Variants in LCORL observed in about 807,000 individuals in gnomAD.
LCORL encodes ligand dependent nuclear receptor corepressor like, also known as ligand-dependent nuclear receptor corepressor-like protein.
Under a neutral mutation model 141.8 loss-of-function variants are expected in LCORL, and 41 were observed. The ratio of observed to expected loss-of-function variants is 0.29; its 90% CI spans 0.23 to 0.38. The LOEUF (loss-of-function observed/expected upper bound fraction) is 0.38, where lower values mean the gene tolerates loss of function less well. Among genes scored for constraint, LCORL ranks in the 10% least tolerant of loss-of-function variants. LCORL has a pLI of 1.00. For missense variants in LCORL, 1,759 were observed against 2,035.0 expected, an observed-to-expected ratio of 0.86 and a Z score of 2.61; for synonymous variants, 618 against 694.1, an observed-to-expected ratio of 0.89 and a Z score of 1.72.
chr4:18,010,047 A>G (rs1723453598), intron 1 of LCORL, among the ~76,000 whole-genome samples: 1 of 152,254 alleles, frequency 6.6e-6, no homozygotes, highest in South Asian at 2.1e-4. Flanking sequence ...AAGAGACACC[A>G]GTGAATAAAC....
chr4:17,867,120 C>A (rs1008533816), intron 7 of LCORL: 1 of 233,278 alleles, frequency 4.3e-6, no homozygotes, highest in African/African-American at 2.3e-5. Flanking sequence ...GATATTGACC[C>A]GTAAAGATCA....
chr4:18,005,870 C>T (rs778937226), intron 1 of LCORL, among the ~76,000 whole-genome samples: 1 of 152,212 alleles, frequency 6.6e-6, no homozygotes, highest in Non-Finnish European at 1.5e-5. Context: ...ATGGCAGGGG[C>T]TTCCGTGAAG....
intron 5 of LCORL, chr4:17,893,543 T>A (rs1376289795): frequency 1.0e-6 from 1 of 985,036 alleles, no homozygotes; most frequent in Non-Finnish European, 1.2e-6. Flanking sequence ...CTTCAGAAAA[T>A]GGTTTGGAAG....
At chr4:17,866,787 T>A (rs539696225) in intron 7 of LCORL, among the ~76,000 whole-genome samples, 25 of 152,218 alleles carry the variant, frequency 1.6e-4, no homozygotes, top group Non-Finnish European at 2.9e-4. Context: ...AAACTGTTAC[T>A]GCCCAGGAAA....
chr4:17,981,239 C>T (rs1159028141), intron 1 of LCORL, among the ~76,000 whole-genome samples: 2 of 152,074 alleles, frequency 1.3e-5, no homozygotes, highest in Non-Finnish European at 2.9e-5. Flanking sequence ...GATTACTTAA[C>T]CCTAGAGTAT....
intron 1 of LCORL, among the ~76,000 whole-genome samples, chr4:18,010,209 C>G (rs1723480647): frequency 6.6e-6 from 1 of 151,426 alleles, no homozygotes; most frequent in Non-Finnish European, 1.5e-5. Context: ...GAAGAGAGCA[C>G]TGGGTTTCCT....
chr4:17,871,865 C>G (rs1306656272), intron 7 of LCORL, among the ~76,000 whole-genome samples: 1 of 151,826 alleles, frequency 6.6e-6, no homozygotes, highest in African/African-American at 2.4e-5. Context: ...TTTGGCCAAC[C>G]TTTAAAATTT....
rs1334510761 is a variant in LCORL, at chr4:17,850,328, A to G, written c.5603-4427T>C. On this transcript the variant is annotated intron_variant, in intron 7 of 7. Coordinates refer to ENST00000635767, the Ensembl canonical transcript of LCORL. ...CTTCTGCACAGCAAAAGAAACTACC[A>G]TCAGAGTGAACAGGCAACCTACAGA... Among the ~76,000 whole-genome samples, 48 of 150,032 alleles carry G rather than the reference A, an allele frequency of 3.2e-4. No homozygotes were observed. In the South Asian group the frequency reaches 9.9e-3, roughly 31 times the overall value.
intron 4 of LCORL, among the ~76,000 whole-genome samples, chr4:17,955,699 CTCA>C (rs969639005): frequency 1.1e-4 from 17 of 152,046 alleles, no homozygotes; most frequent in African/African-American, 4.1e-4. Context: ...GGATGTTTTC[CTCA>C]TCAAGTTCAG....
chr4:17,989,766 C>T (rs1719639606), intron 1 of LCORL, among the ~76,000 whole-genome samples: 1 of 152,194 alleles, frequency 6.6e-6, no homozygotes, highest in African/African-American at 2.4e-5. Context: ...ACAAACTGTG[C>T]CTTAAAACAA....
At chr4:17,986,312 T>C (rs1300657997) in intron 1 of LCORL, among the ~76,000 whole-genome samples, 1 of 152,116 alleles carries the variant, frequency 6.6e-6, no homozygotes, top group African/African-American at 2.4e-5. Context: ...TCTAGTGAGG[T>C]TGGGGAGGTT....
chr4:18,006,480 A>G (rs1399890699), intron 1 of LCORL, among the ~76,000 whole-genome samples: 1 of 152,076 alleles, frequency 6.6e-6, no homozygotes, highest in Non-Finnish European at 1.5e-5. Flanking sequence ...ACTGGTACCA[A>G]TTTACTGTAT....
At chr4:17,917,131 C>A (rs1179061238) in intron 4 of LCORL, among the ~76,000 whole-genome samples, 1 of 152,000 alleles carries the variant, frequency 6.6e-6, no homozygotes, top group African/African-American at 2.4e-5. Context: ...TGTGCTACTG[C>A]GCCCAGCTAA....
chr4:17,976,174 G>A (rs1002156299), intron 1 of LCORL, among the ~76,000 whole-genome samples: 1 of 152,066 alleles, frequency 6.6e-6, no homozygotes, highest in African/African-American at 2.4e-5. Context: ...GTTTCTTGTG[G>A]ACAATAGAGT....
chr4:17,916,643 CTTTTTTT>C (rs1057287592), intron 4 of LCORL, among the ~76,000 whole-genome samples: 5 of 113,134 alleles, frequency 4.4e-5, no homozygotes, highest in Non-Finnish European at 5.4e-5. Context: ...AATTAAATGT[CTTTTTTT>C]TTTTTTTTTT....
exon 7 of LCORL, chr4:17,876,978 T>C (rs1052837765): frequency 1.1e-4 from 131 of 1,230,630 alleles, no homozygotes; most frequent in Non-Finnish European, 1.3e-4. Flanking sequence ...AGGCCCTTGG[T>C]CATGATAGAA....
At chr4:17,929,102 T>C (rs1735602320) in intron 4 of LCORL, among the ~76,000 whole-genome samples, 3 of 151,760 alleles carry the variant, frequency 2.0e-5, no homozygotes, top group Non-Finnish European at 4.4e-5. Context: ...GGCAGAAGAG[T>C]TGTACACCGA....
chr4:17,929,671 CAT>C (rs1397432308), intron 4 of LCORL, among the ~76,000 whole-genome samples: 1 of 152,072 alleles, frequency 6.6e-6, no homozygotes, highest in Non-Finnish European at 1.5e-5. Flanking sequence ...TCTTAGAAGA[CAT>C]ATGTGTAAAT....
At chr4:17,922,852 C>A (rs1035117434) in intron 4 of LCORL, among the ~76,000 whole-genome samples, 1 of 152,144 alleles carries the variant, frequency 6.6e-6, no homozygotes, top group Non-Finnish European at 1.5e-5. Context: ...ACAGCCTCCC[C>A]ACTCCCAGTG....
Sources: gnomAD v4.1 joint callset for allele counts (sites outside exome capture counted in the v4.1 genomes callset) on GRCh38, gnomAD v4.1.1 for gene constraint, MANE v1.5 for transcripts, NCBI Gene and HGNC (gene_info 2026-07-23, HGNC 2026-07-21) for gene names.